GNB1L: variants seen among roughly 807,000 people sequenced by gnomAD.
The protein encoded by GNB1L is guanine nucleotide-binding protein subunit beta-like protein 1.
In GNB1L, 20 loss-of-function variants were observed where a neutral mutation model predicts 29.1. The observed-to-expected ratio is 0.69, with a 90% CI of 0.48 to 1.00. GNB1L has a LOEUF of 1.00. GNB1L is among the 50% of genes least tolerant of loss of function. The pLI is 0.00. For missense variants in GNB1L, 421 were observed against 464.9 expected, an observed-to-expected ratio of 0.91 and a Z score of 0.87; for synonymous variants, 193 against 206.5, an observed-to-expected ratio of 0.93 and a Z score of 0.56.
At chr22:19,843,065 T>C (rs1937889380) in intron 2 of GNB1L, among the ~76,000 whole-genome samples, 1 of 152,250 alleles carries the variant, frequency 6.6e-6, no homozygotes, top group Admixed American at 6.5e-5. Context: ...TGTTCCCCTT[T>C]GAAGCCTCGC....
chr22:19,803,834 G>T (rs1229748643), intron 6 of GNB1L, among the ~76,000 whole-genome samples: 3 of 152,236 alleles, frequency 2.0e-5, no homozygotes, highest in African/African-American at 4.8e-5. Context: ...GCAGCGCTCT[G>T]TGGTGGCACC....
intron 2 of GNB1L, chr22:19,848,384 C>G: frequency 1.0e-6 from 1 of 985,458 alleles, no homozygotes; most frequent in Non-Finnish European, 1.2e-6. Context: ...AGAAAAACAA[C>G]CCAGGGGGAA....
chr22:19,846,324 A>G, intron 2 of GNB1L: 1 of 680,044 alleles, frequency 1.5e-6, no homozygotes, highest in Non-Finnish European at 1.8e-6. Context: ...CTGGGAATAC[A>G]GGATAATGCC....
rs571785137 is a variant in GNB1L, at chr22:19,791,620, G to C, written c.733-2660C>G. 4.9e-4 allele frequency among the ~76,000 whole-genome samples: 75 copies of C among 152,332 alleles called. 2 individuals are homozygous for C. The South Asian group carries it at 0.015, about 30-fold the overall frequency. On this transcript the variant is annotated intron_variant, in intron 7 of 7. Coordinates refer to ENST00000329517, the MANE Select transcript of GNB1L (RefSeq NM_053004.3). ...ACAGAGGGAGCTGAAGATTGTCTGA[G>C]GGGGTCCCTATGAGTCTTGTGTGAG... is the stretch of plus-strand genomic sequence containing the variant.
At chr22:19,832,333 C>A (rs1937694160) in intron 2 of GNB1L, among the ~76,000 whole-genome samples, 1 of 152,060 alleles carries the variant, frequency 6.6e-6, no homozygotes. Context: ...CTATCCCACC[C>A]CCCAAAAAAT....
chr22:19,798,809 T>C (rs772940958), intron 7 of GNB1L, among the ~76,000 whole-genome samples: 1 of 152,168 alleles, frequency 6.6e-6, no homozygotes, highest in South Asian at 2.1e-4. Flanking sequence ...TGGGGCCTCC[T>C]GGAGAAAGAC....
intron 6 of GNB1L, among the ~76,000 whole-genome samples, chr22:19,803,430 G>T (rs115939901): frequency 1.1e-3 from 161 of 152,210 alleles, no homozygotes; most frequent in African/African-American, 3.8e-3. Context: ...AGTCCACATT[G>T]TCCCTGGGAG....
chr22:19,814,988 A>G (rs1937519241), intron 4 of GNB1L, among the ~76,000 whole-genome samples: 1 of 151,846 alleles, frequency 6.6e-6, no homozygotes, highest in African/African-American at 2.4e-5. Flanking sequence ...GTGAGCTGTG[A>G]TCACACCACT....
At chr22:19,849,426 T>A in intron 2 of GNB1L, 3 of 471,666 alleles carry the variant, frequency 6.4e-6, no homozygotes, top group Non-Finnish European at 8.3e-6. Flanking sequence ...TGGAGTGCAA[T>A]GGCGTGATCT....
intron 5 of GNB1L, among the ~76,000 whole-genome samples, chr22:19,810,373 G>A (rs761270336): frequency 5.9e-5 from 9 of 151,760 alleles, no homozygotes; most frequent in Non-Finnish European, 8.8e-5. Context: ...GAGGGCAGGG[G>A]CAAAAGATGG....
At chr22:19,790,399 T>C (rs1937240398) in intron 7 of GNB1L, among the ~76,000 whole-genome samples, 1 of 152,202 alleles carries the variant, frequency 6.6e-6, no homozygotes, top group South Asian at 2.1e-4. Context: ...CGAGAGATTA[T>C]CTGAGAACCC....
chr22:19,812,708 TG>T (rs1311052629), intron 4 of GNB1L, among the ~76,000 whole-genome samples: 1 of 151,952 alleles, frequency 6.6e-6, no homozygotes, highest in Admixed American at 6.6e-5. Flanking sequence ...GGCCCCGGGG[TG>T]GGGGACACCA....
Position 19,788,644 on chromosome 22 carries a change from A to G in GNB1L, c.*65T>C. ...CAGAGGCCCTTGAGGTTTCAGGCCA[A>G]GGCTGGGGCCTGATGCCCACCTCCC... On this transcript the variant is annotated 3_prime_UTR_variant, in exon 8 of 8. Transcript: ENST00000329517. The G allele has an allele frequency of 6.2e-7, 1 of 1,603,670 alleles. No individual in the cohort carries two copies. Among genetic ancestry groups the G allele is most frequent in the Non-Finnish European group, 8.5e-7 (1 of 1,171,490 alleles).
At chr22:19,792,309 A>G in intron 7 of GNB1L, 1 of 813,194 alleles carries the variant, frequency 1.2e-6, no homozygotes, top group Non-Finnish European at 2.1e-6. Flanking sequence ...AAAAGGAAAG[A>G]AGGCCAAGGG....
At chr22:19,814,911 C>T (rs949587266) in intron 4 of GNB1L, among the ~76,000 whole-genome samples, 63 of 152,004 alleles carry the variant, frequency 4.1e-4, no homozygotes, top group African/African-American at 1.5e-3. Context: ...TGGCGTGCAC[C>T]TGCAGTTCCA....
chr22:19,816,585 A>G lies in GNB1L; in HGVS notation c.254+4013T>C, dbSNP rs922621051. Among the ~76,000 whole-genome samples the G allele has an allele frequency of 6.6e-6, 1 of 152,070 alleles. No homozygotes were observed. Among genetic ancestry groups the G allele is most frequent in the Non-Finnish European group, 1.5e-5 (1 of 67,988 alleles). ...CGCACACGGGCTAGGGAACACACACATGCCTCACATGCATGCACACAACAC... is the reference window on the plus strand; with the variant it reads ...CGCACACGGGCTAGGGAACACACACGTGCCTCACATGCATGCACACAACAC... On this transcript the variant is annotated intron_variant, in intron 4 of 7. Coordinates refer to ENST00000329517, the MANE Select transcript of GNB1L (RefSeq NM_053004.3). The surrounding 1 kb of genome is among the most constrained non-coding windows in gnomAD (Gnocchi z 4.4).
At chr22:19,812,198 G>T in intron 5 of GNB1L, 87 bp downstream of exon 5, 1 of 1,374,076 alleles carries the variant, frequency 7.3e-7, no homozygotes, top group South Asian at 1.4e-5. Context: ...GGAGTCCTGT[G>T]GGTAGGCGCA....
chr22:19,841,629 C>A (rs957065038), intron 2 of GNB1L, among the ~76,000 whole-genome samples: 1 of 152,142 alleles, frequency 6.6e-6, no homozygotes, highest in African/African-American at 2.4e-5. Context: ...CCTAAAGAGA[C>A]CTGCCTCTAA....
At chr22:19,822,456 G>A (rs541149323) in intron 2 of GNB1L, among the ~76,000 whole-genome samples, 1 of 152,336 alleles carries the variant, frequency 6.6e-6, no homozygotes, top group Admixed American at 6.5e-5. Context: ...CAGCCCCACA[G>A]CTGGCTGCTC....
Sources: gnomAD v4.1 joint callset for allele counts (sites outside exome capture counted in the v4.1 genomes callset) on GRCh38, gnomAD v4.1.1 for gene constraint, Gnocchi (gnomAD v3.1) non-coding constraint, MANE v1.5 for transcripts, NCBI Gene and HGNC (gene_info 2026-07-23, HGNC 2026-07-21) for gene names.